Variants in NCBP1 observed in about 807,000 individuals in gnomAD.
NCBP1 encodes the protein nuclear cap-binding protein subunit 1.
A neutral mutation model predicts 111.7 loss-of-function variants in NCBP1; 16 were observed. The observed-to-expected ratio is 0.14, with a 90% CI of 0.10 to 0.22. The LOEUF (loss-of-function observed/expected upper bound fraction) is 0.22. Ranked by LOEUF, NCBP1 falls within the 10% of genes least tolerant of loss-of-function variation. NCBP1 has a pLI of 1.00. For synonymous variants in NCBP1, 304 were observed against 314.3 expected, an observed-to-expected ratio of 0.97 and a Z score of 0.35; for missense variants, 607 against 957.5, an observed-to-expected ratio of 0.63 and a Z score of 4.83.
intron 14 of NCBP1, among the ~76,000 whole-genome samples, chr9:97,657,802 T>G (rs1269950752): frequency 2.0e-5 from 3 of 151,754 alleles, no homozygotes; most frequent in Non-Finnish European, 4.4e-5. Context: ...AATTTATATT[T>G]CATTCGATGG....
Position 97,633,931 on chromosome 9 carries a change from C to T in NCBP1, c.34+16C>T. On this transcript the variant is annotated intron_variant, in intron 1 of 22. Transcript: ENST00000375147. The stretch of plus-strand genomic sequence containing the variant: ...GAGAACGACGGTGAGTGCCTGCGGC[C>T]CGGCCACGGAGGCCGCTCCCGGTTG... 6.3e-7 allele frequency: 1 copy of T among 1,580,352 alleles called. No homozygotes were observed. The highest frequency in any genetic ancestry group is 8.5e-7 in the Non-Finnish European group (1 of 1,169,772).
chr9:97,636,671 T>TATATATATAA (rs1237495428), intron 1 of NCBP1, among the ~76,000 whole-genome samples: 1 of 120,562 alleles, frequency 8.3e-6, no homozygotes, highest in Non-Finnish European at 1.8e-5. Context: ...TATATATATA[T>TATATATATAA]ATAAAATCAT....
chr9:97,647,192 T>C (rs773686069), intron 6 of NCBP1, among the ~76,000 whole-genome samples: 2 of 152,188 alleles, frequency 1.3e-5, no homozygotes, highest in Admixed American at 1.3e-4. Context: ...TTTTTAGAAA[T>C]GGCATTGCCG....
At chr9:97,642,210 A>G (rs1827223308) in intron 3 of NCBP1, among the ~76,000 whole-genome samples, 1 of 152,128 alleles carries the variant, frequency 6.6e-6, no homozygotes, top group Non-Finnish European at 1.5e-5. Flanking sequence ...TAACTTTAAG[A>G]AACTACTAAG....
In NCBP1 at chr9:97,643,187, C is replaced by T; in HGVS notation, c.225-17C>T. 6.4e-7 allele frequency: 1 copy of T among 1,563,986 alleles called. No individual in the cohort carries two copies. The highest frequency in any genetic ancestry group is 8.6e-7 in the Non-Finnish European group (1 of 1,164,594). On this transcript the variant is annotated splice_polypyrimidine_tract_variant and intron_variant, in intron 3 of 22. Transcript: ENST00000375147. ...ATTGTTTTGGGGTTTTCTTGTTATA[C>T]TGGGTTCTTAAATCAGTGCACGCCT...
At chr9:97,644,743 GA>G (rs1403443394) in intron 4 of NCBP1, among the ~76,000 whole-genome samples, 2 of 152,170 alleles carry the variant, frequency 1.3e-5, no homozygotes, top group African/African-American at 4.8e-5. Context: ...AGAAACGTAT[GA>G]ACTCACAGAT....
At chr9:97,648,648 G>T (rs1240509488) in intron 8 of NCBP1, among the ~76,000 whole-genome samples, 1 of 152,170 alleles carries the variant, frequency 6.6e-6, no homozygotes, top group African/African-American at 2.4e-5. Flanking sequence ...TTATTCACAT[G>T]TAAAATGCAT....
Position 97,633,842 on chromosome 9 carries a change from C to T in NCBP1, c.-40C>T. On this transcript the variant is annotated 5_prime_UTR_variant, in exon 1 of 23. Coordinates refer to ENST00000375147, the MANE Select transcript of NCBP1 (RefSeq NM_002486.5). ...GGCCAGACAGTTCCTGCAGCGCTTACCGCCTGGCCTCTCGGTTCCGCGGCG... is the reference window on the plus strand; with the variant it reads ...GGCCAGACAGTTCCTGCAGCGCTTATCGCCTGGCCTCTCGGTTCCGCGGCG... The T allele has an allele frequency of 6.4e-7, 1 of 1,564,396 alleles. No individual in the cohort carries two copies. The highest frequency in any genetic ancestry group is 8.6e-7 in the Non-Finnish European group (1 of 1,161,786).
chr9:97,667,660 A>C (rs183222165), intron 20 of NCBP1, among the ~76,000 whole-genome samples: 31 of 152,188 alleles, frequency 2.0e-4, no homozygotes, highest in Non-Finnish European at 3.7e-4. Context: ...GGTCTGTCAG[A>C]CTCCAGAGAC....
intron 8 of NCBP1, among the ~76,000 whole-genome samples, chr9:97,650,092 G>T (rs1482130175): frequency 6.6e-6 from 1 of 152,020 alleles, no homozygotes; most frequent in African/African-American, 2.4e-5. Flanking sequence ...TATATTATGG[G>T]CATTTTTCAA....
At chr9:97,652,404 G>A (rs1272113424) in intron 10 of NCBP1, among the ~76,000 whole-genome samples, 1 of 152,202 alleles carries the variant, frequency 6.6e-6, no homozygotes, top group Non-Finnish European at 1.5e-5. Flanking sequence ...GATAGCTTGA[G>A]CTCAGGAGTT....
At chr9:97,648,996 C>G (rs752814729) in intron 8 of NCBP1, among the ~76,000 whole-genome samples, 1 of 152,160 alleles carries the variant, frequency 6.6e-6, no homozygotes, top group South Asian at 2.1e-4. Flanking sequence ...GCCACTGCAC[C>G]TGTCCATAAT....
intron 14 of NCBP1, among the ~76,000 whole-genome samples, chr9:97,657,570 T>C (rs1344128627): frequency 6.6e-6 from 1 of 152,216 alleles, no homozygotes; most frequent in Non-Finnish European, 1.5e-5. Context: ...TTTTTCCCTT[T>C]AGTAGAATTG....
intron 3 of NCBP1, 30 bp downstream of exon 3, chr9:97,641,692 G>T: frequency 6.4e-7 from 1 of 1,572,922 alleles, no homozygotes; most frequent in Non-Finnish European, 8.7e-7. Flanking sequence ...ATGAATCCAG[G>T]TGATAATGTA....
At chr9:97,663,996 C>T (rs985356307) in intron 18 of NCBP1, among the ~76,000 whole-genome samples, 1 of 151,534 alleles carries the variant, frequency 6.6e-6, no homozygotes, top group Non-Finnish European at 1.5e-5. Flanking sequence ...CTAGGCAATA[C>T]AGTGAAACCC....
intron 17 of NCBP1, 152 bp downstream of exon 17, chr9:97,662,296 C>T: frequency 1.7e-6 from 1 of 598,088 alleles, no homozygotes. Context: ...TAGCTGAAAT[C>T]CATATCCTAA....
At chr9:97,658,315 A>G (rs1332043580) in intron 14 of NCBP1, among the ~76,000 whole-genome samples, 3 of 152,110 alleles carry the variant, frequency 2.0e-5, no homozygotes, top group Non-Finnish European at 2.9e-5. Flanking sequence ...CATTATCCTC[A>G]ATATTTATTT....
chr9:97,649,320 C>G (rs1351902464), intron 8 of NCBP1, among the ~76,000 whole-genome samples: 1 of 152,060 alleles, frequency 6.6e-6, no homozygotes, highest in African/African-American at 2.4e-5. Flanking sequence ...TCAGCGGTGT[C>G]CCTGATCTCT....
At chr9:97,663,292 GT>G (rs938047233) in intron 18 of NCBP1, among the ~76,000 whole-genome samples, 10 of 152,208 alleles carry the variant, frequency 6.6e-5, no homozygotes, top group African/African-American at 2.4e-4. Flanking sequence ...TCAGGAAAAG[GT>G]TTATCTAGTC....
Sources: gnomAD v4.1 joint callset for allele counts (sites outside exome capture counted in the v4.1 genomes callset) on GRCh38, gnomAD v4.1.1 for gene constraint, MANE v1.5 for transcripts, NCBI Gene and HGNC (gene_info 2026-07-23, HGNC 2026-07-21) for gene names.